Variants in HS3ST3A1 observed in about 807,000 individuals in gnomAD.
HS3ST3A1 encodes heparan sulfate-glucosamine 3-sulfotransferase 3A1, also known as heparan sulfate glucosamine 3-O-sulfotransferase 3A1.
A neutral mutation model predicts 25.7 loss-of-function variants in HS3ST3A1; 19 were observed. The observed-to-expected ratio is 0.74, with a 90% CI of 0.52 to 1.08. The LOEUF (loss-of-function observed/expected upper bound fraction) is 1.08, where lower values mean the gene tolerates loss of function less well. Among genes scored for constraint, HS3ST3A1 ranks in the 50% least tolerant of loss-of-function variants. HS3ST3A1 has a pLI of 0.00. For missense variants in HS3ST3A1, 459 were observed against 594.3 expected (o/e 0.77, Z 2.37); for synonymous variants, 226 against 278.6 (o/e 0.81, Z 1.88).
At chr17:13,516,020 A>G (rs985153335) in intron 1 of HS3ST3A1, among the ~76,000 whole-genome samples, 1 of 152,082 alleles carries the variant, frequency 6.6e-6, no homozygotes, top group African/African-American at 2.4e-5. Flanking sequence ...AGTTCTTTAT[A>G]TATTCACGGG....
chr17:13,548,213 T>C (rs1007395646), intron 1 of HS3ST3A1, among the ~76,000 whole-genome samples: 8 of 152,172 alleles, frequency 5.3e-5, no homozygotes, highest in African/African-American at 1.7e-4. Context: ...TTCTGGAGGC[T>C]GGGAGGTCCA....
At position 13,600,765 on chromosome 17, in the gene HS3ST3A1, C is replaced by T; in HGVS notation, c.365G>A (p.Gly122Glu). 6.6e-7 allele frequency: 1 copy of T among 1,505,694 alleles called. No individual in the cohort carries two copies. The highest frequency in any genetic ancestry group is 2.1e-5 in the Admixed American group (1 of 46,936). 93.3% of individuals were successfully genotyped at this position (1,505,694 alleles called of 1,614,324 possible). The change falls in exon 1 of 2, where the codon GGG becomes GAG. Residue 122 changes from glycine to glutamate, a missense_variant. Gly to Glu is a moderately conservative substitution (Grantham distance 98). Around this residue, in one of 3 missense-constraint regions of HS3ST3A1, gnomAD observed 346 missense variants for 303.9 expected, o/e 1.14. Transcript: ENST00000284110. ...AWEEESPGLSGGPGGSGAGST... is the reference protein window; with the variant it reads ...AWEEESPGLSEGPGGSGAGST... ...TCCGGCCCCGGAGCCGCCCGGACCC[C>T]CTGACAGGCCAGGGGACTCTTCTTC... is the stretch of plus-strand genomic sequence containing the variant.
intron 1 of HS3ST3A1, among the ~76,000 whole-genome samples, chr17:13,550,038 A>T (rs1213472711): frequency 6.6e-6 from 1 of 152,176 alleles, no homozygotes; most frequent in Non-Finnish European, 1.5e-5. Context: ...TGTCTCATTT[A>T]TTCTCAGAGC....
intron 1 of HS3ST3A1, among the ~76,000 whole-genome samples, chr17:13,591,642 A>C (rs889158099): frequency 1.4e-5 from 2 of 147,546 alleles, no homozygotes; most frequent in South Asian, 4.3e-4. Context: ...GTATTGCCCA[A>C]ATTTCCTTTT....
At chr17:13,571,151 A>G (rs565602209) in intron 1 of HS3ST3A1, among the ~76,000 whole-genome samples, 2 of 152,328 alleles carry the variant, frequency 1.3e-5, no homozygotes, top group East Asian at 3.9e-4. Flanking sequence ...CAAAGCTGTG[A>G]TTATGAATCT....
chr17:13,499,287 A>G (rs576608905), intron 1 of HS3ST3A1, among the ~76,000 whole-genome samples: 1 of 152,316 alleles, frequency 6.6e-6, no homozygotes, highest in East Asian at 1.9e-4. Context: ...AGGCCAGCCT[A>G]ATATAAAAGC....
At chr17:13,547,805 T>C (rs1178265572) in intron 1 of HS3ST3A1, among the ~76,000 whole-genome samples, 1 of 152,108 alleles carries the variant, frequency 6.6e-6, no homozygotes, top group Non-Finnish European at 1.5e-5. Flanking sequence ...GCATCTGATA[T>C]GGGGCAGCCT....
chr17:13,569,470 A>G (rs1356174623), intron 1 of HS3ST3A1, among the ~76,000 whole-genome samples: 2 of 152,204 alleles, frequency 1.3e-5, no homozygotes, highest in Non-Finnish European at 2.9e-5. Flanking sequence ...TCCAAGCTCC[A>G]CATGCATTGC....
intron 1 of HS3ST3A1, among the ~76,000 whole-genome samples, chr17:13,572,461 T>C (rs544836924): frequency 6.6e-6 from 1 of 152,138 alleles, no homozygotes; most frequent in East Asian, 1.9e-4. Flanking sequence ...AATGGAGGCT[T>C]AGAGAAAGTC....
rs201970798 is a variant in HS3ST3A1 at position 13,496,293 on chromosome 17, G to C, written c.1125C>G (p.Ile375Met). The C allele has an allele frequency of 6.5e-7, 1 of 1,550,180 alleles. No individual in the cohort carries two copies. The highest frequency in any genetic ancestry group is 2.2e-5 in the East Asian group (1 of 44,452). The part of the protein sequence containing the change: ...GKTKGRTHPE[I>M]DREVVRRLRE... ...GCAGCCTGCGCACCACCTCGCGGTCGATCTCAGGATGGGTCCTGCCCTTGG... is the reference window on the plus strand; with the variant it reads ...GCAGCCTGCGCACCACCTCGCGGTCCATCTCAGGATGGGTCCTGCCCTTGG... Residue 375 changes from isoleucine to methionine, a missense_variant, in exon 2 of 2, where the codon ATC (isoleucine) becomes ATG (methionine). Coordinates refer to ENST00000284110, the MANE Select transcript of HS3ST3A1 (RefSeq NM_006042.3).
At chr17:13,501,685 C>G (rs1164036741) in intron 1 of HS3ST3A1, among the ~76,000 whole-genome samples, 1 of 152,070 alleles carries the variant, frequency 6.6e-6, no homozygotes, top group East Asian at 1.9e-4. Context: ...GTTCAAAATT[C>G]CTGGACTGTA....
At chr17:13,515,236 T>C (rs1906012015) in intron 1 of HS3ST3A1, among the ~76,000 whole-genome samples, 1 of 152,208 alleles carries the variant, frequency 6.6e-6, no homozygotes, top group Non-Finnish European at 1.5e-5. Context: ...CTTGGCTCAC[T>C]GCAACTTCCA....
At chr17:13,586,871 CAAAAAAAAAAAAA>C (rs57580843) in intron 1 of HS3ST3A1, among the ~76,000 whole-genome samples, 1 of 44,728 alleles carries the variant, frequency 2.2e-5, no homozygotes. Context: ...CTCTGTCTCA[CAAAAAAAAAAAAA>C]AAAAAAAAAA....
chr17:13,562,891 T>C (rs1159110740), intron 1 of HS3ST3A1, among the ~76,000 whole-genome samples: 3 of 152,042 alleles, frequency 2.0e-5, no homozygotes, highest in Non-Finnish European at 4.4e-5. Context: ...GCCTAACTTT[T>C]GTTGCCTGGA....
chr17:13,596,283 A>G (rs1908573775), intron 1 of HS3ST3A1, among the ~76,000 whole-genome samples: 1 of 151,828 alleles, frequency 6.6e-6, no homozygotes, highest in African/African-American at 2.4e-5. Context: ...AGTGTCCCCA[A>G]ACTGTTCCCT....
intron 1 of HS3ST3A1, among the ~76,000 whole-genome samples, chr17:13,535,772 T>C (rs1046576256): frequency 1.3e-5 from 2 of 152,170 alleles, no homozygotes; most frequent in Non-Finnish European, 2.9e-5. Flanking sequence ...AGTAAAAATA[T>C]GTATAAGTCA....
chr17:13,527,662 T>C (rs138346957), intron 1 of HS3ST3A1, among the ~76,000 whole-genome samples: 11 of 152,312 alleles, frequency 7.2e-5, no homozygotes, highest in African/African-American at 2.6e-4. Flanking sequence ...CTAGGAAGAC[T>C]GATTGATCAA....
intron 1 of HS3ST3A1, among the ~76,000 whole-genome samples, chr17:13,507,117 G>T (rs970692970): frequency 1.3e-5 from 2 of 150,862 alleles, no homozygotes; most frequent in Non-Finnish European, 2.9e-5. Flanking sequence ...AGAAGATGAA[G>T]TTCATAGTCA....
chr17:13,506,364 C>T (rs2142300223), intron 1 of HS3ST3A1, among the ~76,000 whole-genome samples: 1 of 152,286 alleles, frequency 6.6e-6, no homozygotes, highest in South Asian at 2.1e-4. Flanking sequence ...GGACTTTCCA[C>T]CTCTAAGATT....
Sources: allele counts gnomAD v4.1 joint callset (sites outside exome capture counted in the v4.1 genomes callset), GRCh38; gene constraint gnomAD v4.1.1; regional missense constraint gnomAD v4.1.1; transcripts MANE v1.5; gene names NCBI Gene and HGNC (gene_info 2026-07-23, HGNC 2026-07-21).